Variants in FAM135B observed in about 807,000 individuals in gnomAD.
FAM135B encodes family with sequence similarity 135 member B.
A neutral mutation model predicts 127.7 loss-of-function variants in FAM135B; 43 were observed. That is an observed-to-expected ratio of 0.34 (90% CI 0.26 to 0.43). The LOEUF (loss-of-function observed/expected upper bound fraction) is 0.43, where lower values mean the gene tolerates loss of function less well. FAM135B is among the 20% of genes least tolerant of loss of function. FAM135B has a pLI of 1.00. For synonymous variants in FAM135B, 670 were observed against 665.1 expected, an observed-to-expected ratio of 1.01 and a Z score of -0.11; for missense variants, 1,558 against 1,725.6, an observed-to-expected ratio of 0.90 and a Z score of 1.72.
chr8:138,218,288 G>A (rs1475121251), intron 7 of FAM135B, among the ~76,000 whole-genome samples: 1 of 152,054 alleles, frequency 6.6e-6, no homozygotes, highest in African/African-American at 2.4e-5. Context: ...AGCAGGAGAA[G>A]GAAAAAGATG....
At chr8:138,360,022 A>C (rs1302476923) in intron 2 of FAM135B, among the ~76,000 whole-genome samples, 1 of 152,220 alleles carries the variant, frequency 6.6e-6, no homozygotes, top group Non-Finnish European at 1.5e-5. Context: ...GGATGAGAAC[A>C]GAATTTCTCA....
intron 7 of FAM135B, among the ~76,000 whole-genome samples, chr8:138,198,427 G>A (rs945041433): frequency 6.6e-6 from 1 of 152,168 alleles, no homozygotes; most frequent in Non-Finnish European, 1.5e-5. Flanking sequence ...GCACTATAGA[G>A]GCCATGGGAC....
At position 138,151,300 on chromosome 8, in the gene FAM135B, A is replaced by C; in HGVS notation, c.3175T>G (p.Ser1059Ala). The C allele has an allele frequency of 1.2e-6, 2 of 1,614,028 alleles. No homozygotes were observed. Among genetic ancestry groups the C allele is most frequent in the Non-Finnish European group, 1.7e-6 (2 of 1,179,996 alleles). ...KETPARAGFS[S>A]KQTLFPITHQ... ...GTGATGGGAAACAGGGTCTGTTTGG[A>C]AGAGAATCCAGCCCTGGCAGGGGTC... Residue 1059 changes from serine to alanine, a missense_variant, in exon 13 of 20, where the codon TCC becomes GCC. Ser to Ala is a moderately conservative substitution (Grantham distance 99). Coordinates refer to ENST00000395297, the MANE Select transcript of FAM135B (RefSeq NM_015912.4).
At chr8:138,347,743 C>A (rs1829511547) in intron 2 of FAM135B, among the ~76,000 whole-genome samples, 1 of 152,130 alleles carries the variant, frequency 6.6e-6, no homozygotes, top group South Asian at 2.1e-4. Flanking sequence ...GACAATCAGA[C>A]TGGTAGGGAT....
intron 9 of FAM135B, among the ~76,000 whole-genome samples, chr8:138,182,965 C>T (rs1319901499): frequency 6.6e-6 from 1 of 152,176 alleles, no homozygotes; most frequent in Non-Finnish European, 1.5e-5. Context: ...ACAACCCCTG[C>T]CTTCGTGCAT....
intron 1 of FAM135B, among the ~76,000 whole-genome samples, chr8:138,420,981 A>G (rs1048056171): frequency 3.3e-5 from 5 of 152,200 alleles, no homozygotes; most frequent in Non-Finnish European, 5.9e-5. Flanking sequence ...ATAGTGCTCA[A>G]AGTACTAGCC....
intron 1 of FAM135B, among the ~76,000 whole-genome samples, chr8:138,394,970 C>T (rs1832776482): frequency 6.6e-6 from 1 of 152,156 alleles, no homozygotes; most frequent in Non-Finnish European, 1.5e-5. Context: ...ATTTAATGGA[C>T]ATGATTGGGT....
At chr8:138,341,925 C>T (rs1829074905) in intron 2 of FAM135B, among the ~76,000 whole-genome samples, 1 of 152,066 alleles carries the variant, frequency 6.6e-6, no homozygotes, top group Non-Finnish European at 1.5e-5. Flanking sequence ...GTTTATACTA[C>T]ACACTACTCT....
At chr8:138,367,255 T>C in intron 2 of FAM135B, 1 of 371,206 alleles carries the variant, frequency 2.7e-6, no homozygotes, top group South Asian at 2.0e-5. Context: ...TCAAAAGTAG[T>C]AGCAATCATC....
chr8:138,465,129 T>C (rs1355309959), intron 1 of FAM135B, among the ~76,000 whole-genome samples: 2 of 152,170 alleles, frequency 1.3e-5, no homozygotes, highest in African/African-American at 4.8e-5. Flanking sequence ...AGCCGGGCTC[T>C]TGTGGTATCC....
intron 3 of FAM135B, among the ~76,000 whole-genome samples, chr8:138,278,162 T>C (rs1015393454): frequency 3.9e-5 from 6 of 151,934 alleles, no homozygotes; most frequent in Non-Finnish European, 8.8e-5. Context: ...ACAGGTCATC[T>C]GGTAGTTGAA....
chr8:138,467,258 G>C (rs1229317151), intron 1 of FAM135B, among the ~76,000 whole-genome samples: 1 of 152,132 alleles, frequency 6.6e-6, no homozygotes, highest in East Asian at 1.9e-4. Flanking sequence ...AACAGAACAA[G>C]AACCTTTAAA....
intron 1 of FAM135B, among the ~76,000 whole-genome samples, chr8:138,471,567 C>A (rs1163454906): frequency 2.6e-5 from 4 of 152,088 alleles, no homozygotes; most frequent in Admixed American, 6.6e-5. Flanking sequence ...AGACAGGAAC[C>A]TCAAAGAAGG....
rs1822887000 is a variant in FAM135B, at chr8:138,265,944, G to A, written c.158-102C>T. The A allele has an allele frequency of 7.2e-6, 9 of 1,246,100 alleles. No homozygotes were observed. The Admixed American group carries it at 1.2e-4, about 16-fold the overall frequency. The allele number at this position is 1,246,100 out of a possible 1,614,324, so 77.2% of individuals were successfully genotyped here. A position where few individuals can be genotyped will look rare whatever the true frequency, so the allele number is the denominator to read the frequency against. On this transcript the variant is annotated intron_variant, in intron 3 of 19. Coordinates refer to ENST00000395297, the MANE Select transcript of FAM135B (RefSeq NM_015912.4). The stretch of plus-strand genomic sequence containing the variant: ...TGCTCAAGTAGGCTAATGGCCCCAA[G>A]CTGCCTTCCAATTTCCAAAGCTTAA...
At chr8:138,397,863 C>T (rs1199758952) in intron 1 of FAM135B, among the ~76,000 whole-genome samples, 1 of 152,152 alleles carries the variant, frequency 6.6e-6, no homozygotes, top group Non-Finnish European at 1.5e-5. Flanking sequence ...CAGGGCAGCC[C>T]TGGTGTGCCT....
At chr8:138,340,722 C>T (rs1412389041) in intron 2 of FAM135B, among the ~76,000 whole-genome samples, 1 of 152,148 alleles carries the variant, frequency 6.6e-6, no homozygotes, top group African/African-American at 2.4e-5. Flanking sequence ...CTCCCTCCTG[C>T]ATGCTTCCCA....
intron 15 of FAM135B, among the ~76,000 whole-genome samples, chr8:138,143,341 C>T (rs1230255053): frequency 2.0e-5 from 3 of 152,150 alleles, no homozygotes; most frequent in Non-Finnish European, 2.9e-5. Flanking sequence ...GTGGCTGACA[C>T]TGAAGTAGCA....
At chr8:138,403,064 C>T (rs1433034860) in intron 1 of FAM135B, among the ~76,000 whole-genome samples, 1 of 152,170 alleles carries the variant, frequency 6.6e-6, no homozygotes, top group Non-Finnish European at 1.5e-5. Context: ...ATCGTGGAGA[C>T]CCCAGCCTCA....
intron 1 of FAM135B, among the ~76,000 whole-genome samples, chr8:138,380,837 CCACTTCCTTCCT>C (rs895642993): frequency 1.3e-5 from 2 of 151,472 alleles, no homozygotes; most frequent in African/African-American, 4.9e-5. Context: ...TCAGTTATAC[CCACTTCCTTCCT>C]CTTAACATGC....
Sources: gnomAD v4.1 joint callset for allele counts (sites outside exome capture counted in the v4.1 genomes callset) on GRCh38, gnomAD v4.1.1 for gene constraint, MANE v1.5 for transcripts, NCBI Gene and HGNC (gene_info 2026-07-23, HGNC 2026-07-21) for gene names.